ACAP3: variants seen among roughly 807,000 people sequenced by gnomAD.
ACAP3 encodes ArfGAP with coiled-coil, ankyrin repeat and PH domains 3, also known as arf-GAP with coiled-coil, ANK repeat and PH domain-containing protein 3.
In ACAP3, 56 loss-of-function variants were observed where a neutral mutation model predicts 104.1. The ratio of observed to expected loss-of-function variants is 0.54; its 90% CI spans 0.43 to 0.67. The LOEUF is 0.67. Ranked by LOEUF, ACAP3 falls within the 30% of genes least tolerant of loss-of-function variation. The pLI is 0.00. For missense variants in ACAP3, 1,208 were observed against 1,174.9 expected (o/e 1.03, Z -0.41); for synonymous variants, 628 against 496.2 (o/e 1.27, Z -3.53).
rs764549044 is a variant in ACAP3, at chr1:1,293,983, A to C, written c.2250-50T>G. The C allele has an allele frequency of 5.7e-5, 83 of 1,456,092 alleles. No homozygotes were observed. The East Asian group carries it at 2.2e-3, about 39-fold the overall frequency. The allele number at this position is 1,456,092 out of a possible 1,614,324, so 90.2% of individuals were successfully genotyped here. ...TGTCGGGGCGGGGCGGGGCGGGGCG[A>C]GTGTGGTCGCGGGGGCGTGGCCGGA... On this transcript the variant is annotated intron_variant, in intron 22 of 23. Transcript: ENST00000354700.
chr1:1,300,642 TC>T lies in ACAP3; in HGVS notation c.388del (p.Glu130ArgfsTer8). 6.2e-7 allele frequency: 1 copy of T among 1,609,652 alleles called. No individual in the cohort carries two copies. Among genetic ancestry groups the T allele is most frequent in the Non-Finnish European group, 8.5e-7 (1 of 1,179,088 alleles). On this transcript the variant is annotated frameshift_variant, in exon 6 of 24. Coordinates refer to ENST00000354700, the MANE Select transcript of ACAP3 (RefSeq NM_030649.3). LOFTEE classifies it high-confidence loss of function. ...CCTCACCAGGGACAGCTCCAGGTCC[TC>T]CCGCACCTTGTCAAACTGCTTCTTT... is the stretch of plus-strand genomic sequence containing the variant. The part of the protein sequence containing the change: ...ETKKQFDKVR[E>X]DLELSLVRNA...
chr1:1,303,138 G>A lies in ACAP3; in HGVS notation c.225+24C>T. Reference sequence around the variant, plus strand: ...GCCTCTCCCCCAACCCCACCTTGAGGTCAGAGGTCAGTCGGCCCCTCACCG... The same window carrying A: ...GCCTCTCCCCCAACCCCACCTTGAGATCAGAGGTCAGTCGGCCCCTCACCG... On this transcript the variant is annotated intron_variant, in intron 3 of 23. Coordinates refer to ENST00000354700, the MANE Select transcript of ACAP3 (RefSeq NM_030649.3). This position sits in a 1 kb window ranked among gnomAD's most constrained non-coding sequence, Gnocchi z 4.0. 1.3e-6 allele frequency: 2 copies of A among 1,580,648 alleles called. No individual in the cohort carries two copies. The highest frequency in any genetic ancestry group is 1.7e-6 in the Non-Finnish European group (2 of 1,164,004).
chr1:1,293,486 G>C lies in ACAP3; in HGVS notation c.*78C>G. 2 of 1,319,068 alleles carry C rather than the reference G, an allele frequency of 1.5e-6. No individual in the cohort carries two copies. Among genetic ancestry groups the C allele is most frequent in the Non-Finnish European group, 1.9e-6 (2 of 1,037,468 alleles). 81.7% of individuals were successfully genotyped at this position (1,319,068 alleles called of 1,614,324 possible). A position where few individuals can be genotyped will look rare whatever the true frequency, so the allele number is the denominator to read the frequency against. ...CCCGCGGGTCACACGCAGGGCCGCG[G>C]CCGGGTGGGCGCCAGGGACTTCGGG... On this transcript the variant is annotated 3_prime_UTR_variant, in exon 24 of 24. Coordinates refer to ENST00000354700, the MANE Select transcript of ACAP3 (RefSeq NM_030649.3).
In ACAP3 at chr1:1,295,937, G is replaced by T. The variant is rs748796567; in HGVS notation, c.1504C>A (p.Gln502Lys). The stretch of plus-strand genomic sequence containing the variant: ...TCCTTGATCCAGGCCTCCTTGTCCT[G>T]CCTGGACCAGGGGGGAACATGAGGC... ...SRKPTASSSR[Q>K]DKEAWIKDKY... Residue 502 changes from glutamine (Q) to lysine (K), a missense_variant and splice_region_variant, in exon 18 of 24, where the codon CAG becomes AAG. Physicochemically the swap from Gln to Lys is moderately conservative, Grantham distance 53 (BLOSUM62 1). Coordinates refer to ENST00000354700, the MANE Select transcript of ACAP3 (RefSeq NM_030649.3). 55 of 1,612,360 alleles carry T rather than the reference G, an allele frequency of 3.4e-5. No homozygotes were observed. Among genetic ancestry groups the T allele is most frequent in the Non-Finnish European group, 3.0e-5 (35 of 1,179,964 alleles).
chr1:1,300,229 GC>G lies in ACAP3; in HGVS notation c.523-28del, dbSNP rs372900244. 1,338 of 1,581,276 alleles carry G rather than the reference GC, an allele frequency of 8.5e-4. 29 individuals carry two copies. The South Asian group carries it at 0.015, about 17-fold the overall frequency. ...TGCCAGAGGGGGAGCCCACAGGTGA[GC>G]CCCGGAGGCTGAGGCAGCCCCAAGC... On this transcript the variant is annotated intron_variant, in intron 6 of 23. Coordinates refer to ENST00000354700, the MANE Select transcript of ACAP3 (RefSeq NM_030649.3).
At chr1:1,307,634 C>T in intron 1 of ACAP3, 135 bp downstream of exon 1, 1 of 959,044 alleles carries the variant, frequency 1.0e-6, no homozygotes, top group Non-Finnish European at 1.3e-6. Flanking sequence ...GCCGCTTTGT[C>T]CGAGGCCGGT....
In ACAP3 at chr1:1,298,050, C is replaced by A; in HGVS notation, c.979G>T (p.Glu327Ter). The A allele has an allele frequency of 1.2e-6, 2 of 1,611,558 alleles. No individual in the cohort carries two copies. The highest frequency in any genetic ancestry group is 1.7e-6 in the Non-Finnish European group (2 of 1,179,442). ...AGCACCTCGAAGCAGAACCTCCGCT[C>A]GATGTCCTCACACGGCTTCACAGAG... ...LCSVKPCEDI[E>*]RRFCFEVLSP... The change falls in exon 13 of 24, where the codon GAG becomes TAG. Residue 327 changes from glutamate (E) to a stop codon, truncating the protein, a stop_gained. Coordinates refer to ENST00000354700, the MANE Select transcript of ACAP3 (RefSeq NM_030649.3). LOFTEE classifies it high-confidence loss of function.
chr1:1,295,862 G>T lies in ACAP3; in HGVS notation c.1579C>A (p.Leu527Met), dbSNP rs1349215882. 4.3e-6 allele frequency: 7 copies of T among 1,611,876 alleles called. No individual in the cohort carries two copies. Among genetic ancestry groups the T allele is most frequent in the South Asian group, 2.2e-5 (2 of 91,092 alleles). Residue 527 changes from leucine (L) to methionine (M), a missense_variant, in exon 18 of 24, where the codon CTG becomes ATG. Coordinates refer to ENST00000354700, the MANE Select transcript of ACAP3 (RefSeq NM_030649.3). The part of the protein sequence containing the change: ...FLRKAPMAPA[L>M]EAPRRWRVQK... ...ACCCTCCAGCGTCTTGGGGCCTCCA[G>T]GGCTGGTGCCATGGGCGCCTTCCGC...
chr1:1,306,810 C>T (rs1441802930), intron 1 of ACAP3, among the ~76,000 whole-genome samples: 8 of 152,258 alleles, frequency 5.3e-5, no homozygotes, highest in Non-Finnish European at 8.8e-5. Context: ...AGTGATGGAA[C>T]ACGCGTGTAC....
In ACAP3 at chr1:1,300,558, G is replaced by C; in HGVS notation, c.473C>G (p.Thr158Ser). The change falls in exon 6 of 24, where the codon ACC (threonine) becomes AGC (serine). Residue 158 changes from threonine (T) to serine (S), a missense_variant. Coordinates refer to ENST00000354700, the MANE Select transcript of ACAP3 (RefSeq NM_030649.3). The part of the protein sequence containing the change: ...HEVEEATGAL[T>S]LTRKCFRHLA... ...GTGGCGGAAGCACTTCCTGGTGAGG[G>C]TGAGGGCCCCGGTGGCTTCCTCCAC... is the stretch of plus-strand genomic sequence containing the variant. 1 of 1,612,184 alleles carries C rather than the reference G, an allele frequency of 6.2e-7. No homozygotes were observed. Among genetic ancestry groups the C allele is most frequent in the Non-Finnish European group, 8.5e-7 (1 of 1,179,738 alleles).
chr1:1,300,228 AG>A lies in ACAP3; in HGVS notation c.523-27del. ...CTGCCAGAGGGGGAGCCCACAGGTG[AG>A]CCCCGGAGGCTGAGGCAGCCCCAAG... On this transcript the variant is annotated intron_variant, in intron 6 of 23. Transcript: ENST00000354700. 2.5e-6 allele frequency: 4 copies of A among 1,584,024 alleles called. 1 individual carries two copies. The Middle Eastern group carries it at 6.8e-4, about 269-fold the overall frequency.
intron 12 of ACAP3, 96 bp from the exon 13 acceptor site, chr1:1,298,209 C>T (rs114023171): frequency 6.4e-7 from 1 of 1,566,776 alleles, no homozygotes; most frequent in African/African-American, 1.4e-5. Context: ...GGCCGACTGC[C>T]TGAGCCCCAA....
chr1:1,307,533 G>A (rs897516121), intron 1 of ACAP3: 2 of 1,083,968 alleles, frequency 1.8e-6, no homozygotes, highest in South Asian at 1.5e-5. Context: ...AGGTGCCCAC[G>A]GCTGCCCACG....
Position 1,298,061 on chromosome 1 carries a change from C to G in ACAP3, c.968G>C (p.Cys323Ser). 1 of 1,611,356 alleles carries G rather than the reference C, an allele frequency of 6.2e-7. No individual in the cohort carries two copies. The highest frequency in any genetic ancestry group is 8.5e-7 in the Non-Finnish European group (1 of 1,179,314). ...DDLRLCSVKP[C>S]EDIERRFCFE... ...GCAGAACCTCCGCTCGATGTCCTCACACGGCTTCACAGAGCACAGGCGGAG... is the reference window on the plus strand; with the variant it reads ...GCAGAACCTCCGCTCGATGTCCTCAGACGGCTTCACAGAGCACAGGCGGAG... Residue 323 changes from cysteine to serine, a missense_variant, in exon 13 of 24, where the codon TGT becomes TCT. Cys to Ser is a moderately radical substitution (Grantham distance 112, BLOSUM62 -1). Coordinates refer to ENST00000354700, the MANE Select transcript of ACAP3 (RefSeq NM_030649.3).
chr1:1,304,926 C>T (rs1013759793), intron 1 of ACAP3: 2 of 152,408 alleles, frequency 1.3e-5, no homozygotes, highest in Non-Finnish European at 2.9e-5. Flanking sequence ...CAGCCCTCCA[C>T]ACAATCGGCT....
intron 23 of ACAP3, 52 bp from the exon 24 acceptor site, chr1:1,293,760 C>CCCTGGAGGCCCCGCCCCTGA (rs1570623973): frequency 6.7e-7 from 1 of 1,491,334 alleles, no homozygotes; most frequent in Non-Finnish European, 8.9e-7. Flanking sequence ...CCCGCCCCTG[C>CCCTGGAGGCCCCGCCCCTGA]CCTGGAGGCC....
rs200117221 is a variant in ACAP3, at chr1:1,294,465, G to A, written c.2076C>T (p.Ala692=). 13 of 1,560,212 alleles carry A rather than the reference G, an allele frequency of 8.3e-6. No individual in the cohort carries two copies. The highest frequency in any genetic ancestry group is 1.4e-5 in the African/African-American group (1 of 72,450). The change falls in exon 21 of 24, where the codon GCC becomes GCT. Residue 692 remains alanine, a synonymous_variant. Coordinates refer to ENST00000354700, the MANE Select transcript of ACAP3 (RefSeq NM_030649.3). The part of the protein sequence containing the change: ...PALAAALAHG[A]EVNWADAEDE... ...CCTCCGCGTCCGCCCAGTTGACCTC[G>A]GCCCCGTGGGCCAGCGCCGCCGCCA...
rs868651799 is a variant in ACAP3 at position 1,293,516 on chromosome 1, G to C, written c.*48C>G. 66 of 1,391,736 alleles carry C rather than the reference G, an allele frequency of 4.7e-5. No homozygotes were observed. The Middle Eastern group carries it at 9.9e-4, about 21-fold the overall frequency. The allele number at this position is 1,391,736 out of a possible 1,614,324, so 86.2% of individuals were successfully genotyped here. ...GTGGGCGCCAGGGACTTCGGGGCATGCGGGGCGTCGGGCCGGGCGGGGTGG... is the reference window on the plus strand; with the variant it reads ...GTGGGCGCCAGGGACTTCGGGGCATCCGGGGCGTCGGGCCGGGCGGGGTGG... On this transcript the variant is annotated 3_prime_UTR_variant, in exon 24 of 24. Coordinates refer to ENST00000354700, the MANE Select transcript of ACAP3 (RefSeq NM_030649.3).
At position 1,299,846 on chromosome 1, in the gene ACAP3, G is replaced by A. The variant is rs747681623; in HGVS notation, c.723C>T (p.Ala241=). 42 of 1,552,832 alleles carry A rather than the reference G, an allele frequency of 2.7e-5. No homozygotes were observed. Among genetic ancestry groups the A allele is most frequent in the Non-Finnish European group, 3.0e-5 (35 of 1,148,018 alleles). ...VEKREMERKH[A]AIQQRTLLQD... The stretch of plus-strand genomic sequence containing the variant: ...GCGGCCTCACCCGCTGCTGGATGGC[G>A]GCGTGCTTTCGCTCCATCTCACGCT... The change falls in exon 9 of 24, where the codon GCC becomes GCT. Residue 241 remains alanine (A), a synonymous_variant. Transcript: ENST00000354700.
Sources: allele counts gnomAD v4.1 joint callset (sites outside exome capture counted in the v4.1 genomes callset), GRCh38; gene constraint gnomAD v4.1.1; non-coding constraint Gnocchi (gnomAD v3.1); transcripts MANE v1.5; gene names NCBI Gene and HGNC (gene_info 2026-07-23, HGNC 2026-07-21).